PTGR2: variants seen among roughly 807,000 people sequenced by gnomAD.
PTGR2 encodes the protein prostaglandin reductase 2, also known as 15-oxoprostaglandin 13-reductase.
PTGR2 carries 32 observed loss-of-function variants against 43.4 expected under a neutral mutation model. The observed-to-expected ratio is 0.74, with a 90% CI of 0.56 to 0.99. The LOEUF (loss-of-function observed/expected upper bound fraction) is 0.99, where lower values mean the gene tolerates loss of function less well. Ranked by LOEUF, PTGR2 falls within the 50% of genes least tolerant of loss-of-function variation. PTGR2 has a pLI of 0.00. For missense variants in PTGR2, 373 were observed against 420.0 expected, an observed-to-expected ratio of 0.89 and a Z score of 0.98; for synonymous variants, 106 against 139.2, an observed-to-expected ratio of 0.76 and a Z score of 1.68.
rs112602294 is a variant in PTGR2, at chr14:73,877,350, C to T, written c.519+182C>T. 3.8e-3 allele frequency: 1,841 copies of T among 483,066 alleles called. 21 individuals are homozygous for T. The highest frequency in any genetic ancestry group is 0.032 in the African/African-American group (1,655 of 51,460). 29.9% of individuals were successfully genotyped at this position (483,066 alleles called of 1,614,324 possible). A position where few individuals can be genotyped will look rare whatever the true frequency, so the allele number is the denominator to read the frequency against. ...CGCAATCTTGGCTCACTGCAACCTC[C>T]GCCTCCTGGGTTCAAGAGATTCTCA... On this transcript the variant is annotated intron_variant, in intron 5 of 9. Transcript: ENST00000555661.
At chr14:73,871,378 CT>C (rs2054728857) in intron 3 of PTGR2, among the ~76,000 whole-genome samples, 1 of 61,128 alleles carries the variant, frequency 1.6e-5, no homozygotes, top group Admixed American at 1.7e-4. Context: ...AATTTTTGTT[CT>C]TTTTTTGTCT....
intron 3 of PTGR2, among the ~76,000 whole-genome samples, chr14:73,872,798 G>A (rs769335720): frequency 1.3e-5 from 2 of 151,982 alleles, no homozygotes; most frequent in Non-Finnish European, 2.9e-5. Context: ...CCAATATGGC[G>A]AAACTCCGTC....
intron 9 of PTGR2, among the ~76,000 whole-genome samples, chr14:73,882,800 C>CTTTTTTTTTTTTTTTTT (rs35651032): frequency 4.8e-5 from 2 of 41,868 alleles, no homozygotes; most frequent in Non-Finnish European, 9.1e-5. Context: ...ACGCCTGGCC[C>CTTTTTTTTTTTTTTTTT]TTTTTTTTTT....
chr14:73,852,533 G>T (rs1162642691), intron 1 of PTGR2, among the ~76,000 whole-genome samples: 1 of 152,158 alleles, frequency 6.6e-6, no homozygotes, highest in Non-Finnish European at 1.5e-5. Context: ...TTACAGGCGT[G>T]AGCCATCGCG....
chr14:73,857,150 T>C (rs1421170320), intron 1 of PTGR2, among the ~76,000 whole-genome samples: 1 of 151,990 alleles, frequency 6.6e-6, no homozygotes, highest in Non-Finnish European at 1.5e-5. Flanking sequence ...ATTGGCCATA[T>C]TGTGATATGG....
chr14:73,879,587 T>C (rs934524023), intron 6 of PTGR2: 4 of 376,688 alleles, frequency 1.1e-5, no homozygotes, highest in African/African-American at 4.1e-5. Flanking sequence ...ATTGTTGAAA[T>C]GCTGAAGCAC....
intron 6 of PTGR2, chr14:73,879,627 C>A: frequency 3.2e-6 from 1 of 313,380 alleles, no homozygotes. Context: ...GACCAACTCA[C>A]AGCCATGGCC....
chr14:73,881,918 G>C (rs2055000445), intron 8 of PTGR2, among the ~76,000 whole-genome samples: 1 of 151,616 alleles, frequency 6.6e-6, no homozygotes, highest in Non-Finnish European at 1.5e-5. Context: ...CGAGTAGCTG[G>C]GATTACAGGC....
chr14:73,864,805 C>T (rs544743407), intron 3 of PTGR2, among the ~76,000 whole-genome samples: 2 of 151,988 alleles, frequency 1.3e-5, no homozygotes, highest in Admixed American at 1.3e-4. Flanking sequence ...TGATAAAGTC[C>T]GATTTATCTC....
intron 1 of PTGR2, among the ~76,000 whole-genome samples, chr14:73,857,699 C>T (rs1280944308): frequency 1.4e-5 from 1 of 73,914 alleles, no homozygotes; most frequent in African/African-American, 5.1e-5. Context: ...GACAGAATCT[C>T]GCTCTGTTGC....
chr14:73,874,972 C>T (rs920830406), intron 4 of PTGR2, among the ~76,000 whole-genome samples: 3 of 152,126 alleles, frequency 2.0e-5, no homozygotes, highest in African/African-American at 7.2e-5. Flanking sequence ...GATCTTCCCA[C>T]CTCAGTCTCC....
rs565762178 is a variant in PTGR2 at position 73,876,597 on chromosome 14, T to G, written c.349-401T>G. Among the ~76,000 whole-genome samples, 3 of 150,110 alleles carry G rather than the reference T, an allele frequency of 2.0e-5. No homozygotes were observed. The East Asian group carries it at 5.9e-4, about 30-fold the overall frequency. Reference sequence around the variant, plus strand: ...TTCAAGCGATTCTCCTGCCTCAGCCTCCTGAGTAGCTGGGATTACAGGCGC... The same window carrying G: ...TTCAAGCGATTCTCCTGCCTCAGCCGCCTGAGTAGCTGGGATTACAGGCGC... On this transcript the variant is annotated intron_variant, in intron 4 of 9. Coordinates refer to ENST00000555661, the MANE Select transcript of PTGR2 (RefSeq NM_001146154.2).
chr14:73,853,750 T>C (rs2054283082), intron 1 of PTGR2, among the ~76,000 whole-genome samples: 1 of 151,942 alleles, frequency 6.6e-6, no homozygotes, highest in Non-Finnish European at 1.5e-5. Context: ...CATTTAGGAA[T>C]ATTAAGGAAA....
chr14:73,884,543 A>C lies in PTGR2; in HGVS notation c.*366A>C, dbSNP rs2055081618. 6.5e-6 allele frequency: 1 copy of C among 153,072 alleles called. No individual in the cohort carries two copies. The highest frequency in any genetic ancestry group is 1.5e-5 in the Non-Finnish European group (1 of 68,786). 9.5% of individuals were successfully genotyped at this position (153,072 alleles called of 1,614,324 possible). A position where few individuals can be genotyped will look rare whatever the true frequency, so the allele number is the denominator to read the frequency against. ...TTATTAATTTAAAATAGAATGCTTA[A>C]AATAAAATAGAATGCTTGAGAGGCA... On this transcript the variant is annotated 3_prime_UTR_variant, in exon 10 of 10. Transcript: ENST00000555661.
At chr14:73,881,769 ATTC>A (rs2054993498) in intron 8 of PTGR2, among the ~76,000 whole-genome samples, 2 of 84,862 alleles carry the variant, frequency 2.4e-5, no homozygotes, top group African/African-American at 9.9e-5. Flanking sequence ...GGCCTAGGCT[ATTC>A]TTTTTTTTTT....
intron 3 of PTGR2, among the ~76,000 whole-genome samples, chr14:73,862,611 G>A (rs1411422786): frequency 4.6e-5 from 7 of 152,150 alleles, no homozygotes; most frequent in Non-Finnish European, 1.0e-4. Flanking sequence ...CTAGGTAACA[G>A]CAATGTACCA....
At chr14:73,860,879 G>A (rs1448347439) in intron 3 of PTGR2, among the ~76,000 whole-genome samples, 1 of 152,068 alleles carries the variant, frequency 6.6e-6, no homozygotes, top group East Asian at 1.9e-4. Flanking sequence ...TGTGATTCAG[G>A]TGCTTTCAAA....
At chr14:73,868,671 AC>A (rs886281183) in intron 3 of PTGR2, among the ~76,000 whole-genome samples, 13 of 151,976 alleles carry the variant, frequency 8.6e-5, no homozygotes, top group Admixed American at 4.6e-4. Flanking sequence ...CAACTTAAGA[AC>A]CACCCCTGTA....
chr14:73,852,434 G>A (rs2054251006), intron 1 of PTGR2, among the ~76,000 whole-genome samples: 2 of 152,014 alleles, frequency 1.3e-5, no homozygotes, highest in Non-Finnish European at 2.9e-5. Flanking sequence ...TGTATTTTTG[G>A]TAGAGACGAG....
Sources: gnomAD v4.1 joint callset for allele counts (sites outside exome capture counted in the v4.1 genomes callset) on GRCh38, gnomAD v4.1.1 for gene constraint, MANE v1.5 for transcripts, NCBI Gene and HGNC (gene_info 2026-07-23, HGNC 2026-07-21) for gene names.